The following EFNA5 variants were observed in gnomAD, a reference collection of about 807,000 sequenced individuals.
The protein encoded by EFNA5 is ephrin-A5.
In EFNA5, 5 loss-of-function variants were observed where a neutral mutation model predicts 22.9. That is an observed-to-expected ratio of 0.22 (90% confidence interval 0.11 to 0.46). The LOEUF is 0.46. Ranked by LOEUF, EFNA5 falls within the 20% of genes least tolerant of loss-of-function variation. The pLI is 0.99. For missense variants in EFNA5, 237 were observed against 293.3 expected, an observed-to-expected ratio of 0.81 and a Z score of 1.40; for synonymous variants, 113 against 112.2, an observed-to-expected ratio of 1.01 and a Z score of -0.04.
rs542533117 is a variant in EFNA5, at chr5:107,467,221, G to C, written c.126-39712C>G. Among the ~76,000 whole-genome samples, 5 of 152,184 alleles carry C rather than the reference G, an allele frequency of 3.3e-5. No individual in the cohort carries two copies. The South Asian group carries it at 1.0e-3, about 32-fold the overall frequency. ...GCAGTACTTTCAAAGTGAATACCTA[G>C]ACCTTTAGCAGTGTGAGGAGAACTA... On this transcript the variant is annotated intron_variant, in intron 1 of 4. Coordinates refer to ENST00000333274, the MANE Select transcript of EFNA5 (RefSeq NM_001962.3).
chr5:107,500,106 T>C (rs1747097468), intron 1 of EFNA5, among the ~76,000 whole-genome samples: 1 of 152,196 alleles, frequency 6.6e-6, no homozygotes, highest in Non-Finnish European at 1.5e-5. Context: ...CCCTCTCTTT[T>C]TATTCACCCA....
At chr5:107,599,996 G>C (rs1028789845) in intron 1 of EFNA5, among the ~76,000 whole-genome samples, 2 of 152,224 alleles carry the variant, frequency 1.3e-5, no homozygotes, top group Non-Finnish European at 2.9e-5. Context: ...CAGTAAAAAG[G>C]AATGTGAAGT....
chr5:107,591,574 C>A (rs2112502968), intron 1 of EFNA5, among the ~76,000 whole-genome samples: 1 of 151,572 alleles, frequency 6.6e-6, no homozygotes, highest in African/African-American at 2.4e-5. Context: ...GTAATCCCAG[C>A]ACTTTGGAAT....
intron 1 of EFNA5, among the ~76,000 whole-genome samples, chr5:107,443,054 G>T (rs1397890205): frequency 2.1e-5 from 3 of 142,080 alleles, no homozygotes; most frequent in African/African-American, 8.0e-5. Flanking sequence ...TGGGGTACAG[G>T]TTTCTCCCTG....
chr5:107,456,866 C>T lies in EFNA5; in HGVS notation c.126-29357G>A, dbSNP rs75595960. On this transcript the variant is annotated intron_variant, in intron 1 of 4. Transcript: ENST00000333274. The stretch of plus-strand genomic sequence containing the variant: ...CATTTCCTTTATAAATGCTATGCTA[C>T]TTATCTAGTCAAAATGCATCCCAAG... Among the ~76,000 whole-genome samples, 42 of 152,256 alleles carry T rather than the reference C, an allele frequency of 2.8e-4. No individual in the cohort carries two copies. In the East Asian group the frequency reaches 7.5e-3, roughly 27 times the overall value.
intron 1 of EFNA5, among the ~76,000 whole-genome samples, chr5:107,589,469 C>CAT (rs1402945322): frequency 6.6e-6 from 1 of 151,988 alleles, no homozygotes; most frequent in Non-Finnish European, 1.5e-5. Context: ...TGACTATAAA[C>CAT]ATATATACAC....
At chr5:107,510,717 T>C (rs1400793362) in intron 1 of EFNA5, among the ~76,000 whole-genome samples, 2 of 152,180 alleles carry the variant, frequency 1.3e-5, no homozygotes, top group Non-Finnish European at 2.9e-5. Flanking sequence ...CATGAGGTGC[T>C]GAAGACCAGA....
At chr5:107,609,686 A>G (rs1221842694) in intron 1 of EFNA5, among the ~76,000 whole-genome samples, 1 of 152,062 alleles carries the variant, frequency 6.6e-6, no homozygotes, top group African/African-American at 2.4e-5. Context: ...CTCTGCTAAA[A>G]TTGTTTCTTC....
chr5:107,488,003 G>A (rs1485011986), intron 1 of EFNA5, among the ~76,000 whole-genome samples: 1 of 152,156 alleles, frequency 6.6e-6, no homozygotes, highest in African/African-American at 2.4e-5. Context: ...AATCTAAGAT[G>A]GTCTAATATT....
chr5:107,599,940 G>GCTTC, intron 1 of EFNA5, among the ~76,000 whole-genome samples: 1 of 152,338 alleles, frequency 6.6e-6, no homozygotes, highest in East Asian at 1.9e-4. Flanking sequence ...CAAAGCAGCA[G>GCTTC]CTTCCCTTCA....
chr5:107,529,419 A>G (rs1747764784), intron 1 of EFNA5, among the ~76,000 whole-genome samples: 2 of 152,122 alleles, frequency 1.3e-5, no homozygotes, highest in Admixed American at 1.3e-4. Flanking sequence ...AGATAAGTAT[A>G]GCTCACCATG....
intron 1 of EFNA5, among the ~76,000 whole-genome samples, chr5:107,534,230 C>T (rs918203664): frequency 6.6e-6 from 1 of 152,158 alleles, no homozygotes; most frequent in Non-Finnish European, 1.5e-5. Context: ...TTGACTTTCA[C>T]CGTAAATAGA....
intron 1 of EFNA5, among the ~76,000 whole-genome samples, chr5:107,472,954 T>C (rs1011365958): frequency 2.6e-5 from 4 of 152,206 alleles, no homozygotes; most frequent in African/African-American, 9.6e-5. Context: ...TCTTAGCCCC[T>C]GCAGGCATCT....
intron 4 of EFNA5, among the ~76,000 whole-genome samples, 167 bp downstream of exon 4, chr5:107,387,068 C>G (rs1200212198): frequency 2.6e-5 from 4 of 152,004 alleles, no homozygotes; most frequent in Non-Finnish European, 5.9e-5. Flanking sequence ...CACAAAGATA[C>G]TGGAGGAATG....
chr5:107,496,237 C>G (rs749600511), intron 1 of EFNA5, among the ~76,000 whole-genome samples: 1 of 145,282 alleles, frequency 6.9e-6, no homozygotes, highest in African/African-American at 2.6e-5. Context: ...CCCAGCTACT[C>G]GGAAAACAGA....
intron 1 of EFNA5, among the ~76,000 whole-genome samples, chr5:107,575,592 A>T (rs1748911543): frequency 6.6e-6 from 1 of 152,104 alleles, no homozygotes; most frequent in South Asian, 2.1e-4. Flanking sequence ...TTTTCCAGGC[A>T]AGTTAGTCAT....
intron 2 of EFNA5, among the ~76,000 whole-genome samples, chr5:107,403,050 G>A (rs80081624): frequency 1.5e-4 from 23 of 152,318 alleles, no homozygotes; most frequent in Admixed American, 1.4e-3. Context: ...CTCGCAGCAG[G>A]GGGGGAAGTG....
chr5:107,426,427 C>T (rs547456486), intron 2 of EFNA5, among the ~76,000 whole-genome samples: 17 of 152,324 alleles, frequency 1.1e-4, no homozygotes, highest in African/African-American at 3.8e-4. Flanking sequence ...GCCTTAAGAC[C>T]TCCTGAGTCA....
chr5:107,653,945 C>T (rs1386176870), intron 1 of EFNA5, among the ~76,000 whole-genome samples: 1 of 152,100 alleles, frequency 6.6e-6, no homozygotes, highest in African/African-American at 2.4e-5. Flanking sequence ...AACCCAAACT[C>T]CACGACTGAA....
Sources: allele counts gnomAD v4.1 joint callset (sites outside exome capture counted in the v4.1 genomes callset), GRCh38; gene constraint gnomAD v4.1.1; transcripts MANE v1.5; gene names NCBI Gene and HGNC (gene_info 2026-07-23, HGNC 2026-07-21).